Variants in KCNS3 observed in about 807,000 individuals in gnomAD.
The protein encoded by KCNS3 is delayed-rectifier potassium channel regulatory subunit KCNS3.
A neutral mutation model predicts 31.0 loss-of-function variants in KCNS3; 13 were observed. The ratio of observed to expected loss-of-function variants is 0.42; its 90% confidence interval spans 0.27 to 0.67. The LOEUF is 0.67. Among genes scored for constraint, KCNS3 ranks in the 30% least tolerant of loss-of-function variants. The pLI, the probability that KCNS3 is intolerant of heterozygous loss-of-function variation, is 0.25. For synonymous variants in KCNS3, 238 were observed against 241.5 expected, an observed-to-expected ratio of 0.99 and a Z score of 0.13; for missense variants, 545 against 622.4, an observed-to-expected ratio of 0.88 and a Z score of 1.32.
At chr2:17,914,496 C>A (rs1662545079) in intron 1 of KCNS3, among the ~76,000 whole-genome samples, 1 of 152,180 alleles carries the variant, frequency 6.6e-6, no homozygotes, top group Admixed American at 6.5e-5. Context: ...TGGGATTGGT[C>A]GTGGGAACCA....
rs1268578922 is a variant in KCNS3, at chr2:17,932,281, A to G, written c.1273A>G (p.Ser425Gly). ...KQKDIDVDQC[S>G]EDAPEKCHEL... is the part of the protein sequence containing the mutation. ...AAAGGACATTGATGTGGACCAGTGC[A>G]GTGAGGATGCACCAGAGAAGTGTCA... Residue 425 changes from serine (S) to glycine (G), a missense_variant, in exon 3 of 3, where the codon AGT becomes GGT. By Grantham distance (56) the Ser-to-Gly change is moderately conservative (BLOSUM62 0). Transcript: ENST00000304101. The G allele has an allele frequency of 6.2e-7, 1 of 1,613,840 alleles. No individual in the cohort carries two copies. The highest frequency in any genetic ancestry group is 1.7e-5 in the Admixed American group (1 of 60,008).
Position 17,932,243 on chromosome 2 carries a change from A to G in KCNS3, c.1235A>G (p.Tyr412Cys). 1 of 1,613,996 alleles carries G rather than the reference A, an allele frequency of 6.2e-7. No individual in the cohort carries two copies. The highest frequency in any genetic ancestry group is 8.5e-7 in the Non-Finnish European group (1 of 1,179,904). The change falls in exon 3 of 3, where the codon TAC becomes TGC. Residue 412 changes from tyrosine (Y) to cysteine (C), a missense_variant. Transcript: ENST00000304101. The stretch of plus-strand genomic sequence containing the variant: ...ATCATCTTCAACAAGTTTTCCAAGT[A>G]CTACCAGAAGCAAAAGGACATTGAT... ...ITIIFNKFSK[Y>C]YQKQKDIDVD... is the part of the protein sequence containing the mutation.
At chr2:17,918,796 A>T (rs1460216017) in intron 2 of KCNS3, among the ~76,000 whole-genome samples, 1 of 152,230 alleles carries the variant, frequency 6.6e-6, no homozygotes, top group Non-Finnish European at 1.5e-5. Flanking sequence ...ATGCCTTGTG[A>T]TATGTGCTAA....
chr2:17,888,648 T>TATATATATAG (rs1282067313), intron 1 of KCNS3, among the ~76,000 whole-genome samples: 2 of 132,300 alleles, frequency 1.5e-5, no homozygotes, highest in Non-Finnish European at 3.3e-5. Flanking sequence ...TATATATATA[T>TATATATATAG]ATATATATAT....
intron 1 of KCNS3, among the ~76,000 whole-genome samples, chr2:17,911,117 C>T (rs1662462250): frequency 6.6e-6 from 1 of 152,190 alleles, no homozygotes; most frequent in South Asian, 2.1e-4. Context: ...GCTTCCTTAT[C>T]TCGAGGGACT....
At chr2:17,879,011 C>T (rs953167616) in intron 1 of KCNS3, among the ~76,000 whole-genome samples, 2 of 152,332 alleles carry the variant, frequency 1.3e-5, no homozygotes, top group African/African-American at 4.8e-5. Flanking sequence ...CCTCTGGTCC[C>T]CAGAGCCCGC....
At chr2:17,929,324 T>C (rs866582769) in intron 2 of KCNS3, among the ~76,000 whole-genome samples, 1 of 152,286 alleles carries the variant, frequency 6.6e-6, no homozygotes, top group Middle Eastern at 3.4e-3. Flanking sequence ...TGGGGAGGCC[T>C]CAGGAAATTT....
rs3747515 is a variant in KCNS3, at chr2:17,932,522, G to A, written c.*38G>A. The A allele has an allele frequency of 0.34, 529,481 of 1,564,346 alleles. 92,359 individuals carry two copies. The highest frequency in any genetic ancestry group is 0.39 in the Middle Eastern group (2,188 of 5,584). Reference sequence around the variant, plus strand: ...GTGCCTGTTTCTCTTATCCTTTCCCGACATTAGGTTAACACAGCTTTATAA... The same window carrying A: ...GTGCCTGTTTCTCTTATCCTTTCCCAACATTAGGTTAACACAGCTTTATAA... On this transcript the variant is annotated 3_prime_UTR_variant, in exon 3 of 3. Transcript: ENST00000304101.
At chr2:17,922,109 G>A (rs1008525262) in intron 2 of KCNS3, among the ~76,000 whole-genome samples, 3 of 150,916 alleles carry the variant, frequency 2.0e-5, no homozygotes, top group Non-Finnish European at 4.4e-5. Flanking sequence ...TTGCACCCCT[G>A]TGGTGTTATT....
At chr2:17,896,060 T>C (rs995631504) in intron 1 of KCNS3, among the ~76,000 whole-genome samples, 1 of 152,180 alleles carries the variant, frequency 6.6e-6, no homozygotes, top group Non-Finnish European at 1.5e-5. Context: ...TCTTTTTATT[T>C]TTTAGAGATG....
At chr2:17,928,474 C>T (rs189899269) in intron 2 of KCNS3, among the ~76,000 whole-genome samples, 12 of 152,282 alleles carry the variant, frequency 7.9e-5, no homozygotes, top group Middle Eastern at 3.4e-3. Context: ...GCCATGTTCA[C>T]CAGGCTGGTC....
intron 2 of KCNS3, among the ~76,000 whole-genome samples, chr2:17,924,119 G>A (rs970397672): frequency 1.3e-5 from 2 of 151,118 alleles, no homozygotes; most frequent in Non-Finnish European, 1.5e-5. Flanking sequence ...TTTTCTGGAT[G>A]CTATTGAAAA....
chr2:17,896,718 C>T (rs1371886753), intron 1 of KCNS3, among the ~76,000 whole-genome samples: 1 of 152,098 alleles, frequency 6.6e-6, no homozygotes, highest in Non-Finnish European at 1.5e-5. Flanking sequence ...CTTCTTCTCC[C>T]TGCCCCAGTA....
At chr2:17,888,629 G>GTATATCTATATCTATATATATA (rs35102585) in intron 1 of KCNS3, among the ~76,000 whole-genome samples, 4 of 92,368 alleles carry the variant, frequency 4.3e-5, no homozygotes, top group East Asian at 1.1e-3. Context: ...TAAAAAAAAT[G>GTATATCTATATCTATATATATA]TATATATATA....
intron 1 of KCNS3, among the ~76,000 whole-genome samples, chr2:17,904,219 G>A (rs1662258410): frequency 6.6e-6 from 1 of 152,228 alleles, no homozygotes; most frequent in Admixed American, 6.5e-5. Context: ...GGGATGATGA[G>A]CATTTTTTCA....
At chr2:17,907,361 G>C (rs1042314638) in intron 1 of KCNS3, among the ~76,000 whole-genome samples, 4 of 152,132 alleles carry the variant, frequency 2.6e-5, no homozygotes, top group Non-Finnish European at 2.9e-5. Flanking sequence ...GTCTCTGCAC[G>C]TGAGATGGGT....
intron 1 of KCNS3, among the ~76,000 whole-genome samples, chr2:17,879,168 G>A (rs1244935286): frequency 1.3e-5 from 2 of 152,330 alleles, no homozygotes; most frequent in African/African-American, 4.8e-5. Context: ...GGACCACCTG[G>A]AGGCGGGAGA....
chr2:17,908,521 AG>A (rs1173472807), intron 1 of KCNS3, among the ~76,000 whole-genome samples: 4 of 152,114 alleles, frequency 2.6e-5, no homozygotes, highest in African/African-American at 9.7e-5. Context: ...ATCCCTATGG[AG>A]GGGGAGAGGT....
intron 1 of KCNS3, among the ~76,000 whole-genome samples, 166 bp from the exon 2 acceptor site, chr2:17,917,514 A>G (rs1383178046): frequency 6.6e-6 from 1 of 152,158 alleles, no homozygotes; most frequent in East Asian, 1.9e-4. Flanking sequence ...AATGGCAGTG[A>G]TGGTTCCACA....
Sources: allele counts gnomAD v4.1 joint callset (sites outside exome capture counted in the v4.1 genomes callset), GRCh38; gene constraint gnomAD v4.1.1; transcripts MANE v1.5; gene names NCBI Gene and HGNC (gene_info 2026-07-23, HGNC 2026-07-21).